The following CLEC16A variants were observed in gnomAD, a reference collection of about 807,000 sequenced individuals.
CLEC16A encodes C-type lectin domain containing 16A, also known as protein CLEC16A.
Under a neutral mutation model 109.5 loss-of-function variants are expected in CLEC16A, and 51 were observed. That is an observed-to-expected ratio of 0.47 (90% CI 0.37 to 0.59). CLEC16A has a LOEUF of 0.59. CLEC16A is among the 20% of genes least tolerant of loss of function. CLEC16A has a pLI of 0.00. For missense variants in CLEC16A, 1,339 were observed against 1,394.0 expected (o/e 0.96, Z 0.63); for synonymous variants, 673 against 564.2 (o/e 1.19, Z -2.73).
intron 22 of CLEC16A, among the ~76,000 whole-genome samples, chr16:11,142,479 G>A (rs1476061841): frequency 6.6e-6 from 1 of 152,262 alleles, no homozygotes; most frequent in African/African-American, 2.4e-5. Flanking sequence ...CCCGATAGGT[G>A]TGATGTGTCA....
At chr16:10,994,855 T>G (rs1280808054) in intron 10 of CLEC16A, among the ~76,000 whole-genome samples, 1 of 152,218 alleles carries the variant, frequency 6.6e-6, no homozygotes, top group Non-Finnish European at 1.5e-5. Flanking sequence ...TGGCCTAGTC[T>G]TTACATCAGT....
rs761802829 is a variant in CLEC16A at position 10,977,418 on chromosome 16, C to G, written c.903+19C>G. 1.9e-6 allele frequency: 3 copies of G among 1,604,846 alleles called. No individual in the cohort carries two copies. The highest frequency in any genetic ancestry group is 2.6e-6 in the Non-Finnish European group (3 of 1,174,946). On this transcript the variant is annotated intron_variant, in intron 8 of 23. Coordinates refer to ENST00000409790, the MANE Select transcript of CLEC16A (RefSeq NM_015226.3). ...GGACAAGGTGGGTCCAGCCCCGTGGCTCCCGCTGGCTGAAGGCCATCAGAA... is the reference window on the plus strand; with the variant it reads ...GGACAAGGTGGGTCCAGCCCCGTGGGTCCCGCTGGCTGAAGGCCATCAGAA...
chr16:11,051,484 T>C, intron 17 of CLEC16A, 29 bp from the exon 18 acceptor site: 1 of 1,601,558 alleles, frequency 6.2e-7, no homozygotes, highest in Non-Finnish European at 8.6e-7. Context: ...AGGAATCTGC[T>C]TTGAGGTTTC....
intron 19 of CLEC16A, among the ~76,000 whole-genome samples, chr16:11,114,128 C>CGTGTGTGTGTGTGTGTGTGTGTGT (rs3030600): frequency 1.6e-5 from 2 of 127,248 alleles, no homozygotes; most frequent in African/African-American, 3.1e-5. Context: ...TGAGGATGGC[C>CGTGTGTGTGTGTGTGTGTGTGTGT]GTGTGTGTGT....
At chr16:11,043,224 G>C (rs2047445467) in intron 15 of CLEC16A, among the ~76,000 whole-genome samples, 1 of 152,074 alleles carries the variant, frequency 6.6e-6, no homozygotes, top group Non-Finnish European at 1.5e-5. Flanking sequence ...GTTGAGACTA[G>C]TCTGGACAAC....
intron 23 of CLEC16A, among the ~76,000 whole-genome samples, chr16:11,168,995 A>C (rs1267612355): frequency 1.3e-5 from 2 of 152,212 alleles, no homozygotes; most frequent in Non-Finnish European, 2.9e-5. Flanking sequence ...ATATCCTTGG[A>C]GGGCCAGCCA....
At chr16:10,992,769 T>A (rs1483487432) in intron 10 of CLEC16A, among the ~76,000 whole-genome samples, 1 of 152,022 alleles carries the variant, frequency 6.6e-6, no homozygotes, top group Non-Finnish European at 1.5e-5. Flanking sequence ...ATCTGTCCCT[T>A]CCCTGATGAT....
At chr16:10,971,507 T>A in intron 5 of CLEC16A, 1 of 979,746 alleles carries the variant, frequency 1.0e-6, no homozygotes, top group Non-Finnish European at 1.2e-6. Flanking sequence ...GTGGCTATGT[T>A]TTAGAATTTG....
At chr16:11,070,164 G>C (rs530547054) in intron 19 of CLEC16A, among the ~76,000 whole-genome samples, 1 of 151,496 alleles carries the variant, frequency 6.6e-6, no homozygotes, top group African/African-American at 2.4e-5. Context: ...TCCGCCTCCC[G>C]GGTTCACACC....
chr16:11,060,513 C>T (rs1358576378), intron 18 of CLEC16A, among the ~76,000 whole-genome samples: 1 of 152,216 alleles, frequency 6.6e-6, no homozygotes, highest in African/African-American at 2.4e-5. Context: ...CTAGCCCTTG[C>T]TGGAAGCATG....
At chr16:11,136,903 C>T (rs964209195) in intron 22 of CLEC16A, among the ~76,000 whole-genome samples, 7 of 152,248 alleles carry the variant, frequency 4.6e-5, no homozygotes, top group African/African-American at 1.4e-4. Context: ...AGTGTCATTC[C>T]TCAGTGCCCA....
At chr16:11,120,054 C>A (rs1436737706) in intron 19 of CLEC16A, among the ~76,000 whole-genome samples, 2 of 152,200 alleles carry the variant, frequency 1.3e-5, no homozygotes, top group African/African-American at 2.4e-5. Context: ...ACTGCAACCT[C>A]CACCTCCCAG....
In CLEC16A at chr16:10,985,610, G is replaced by C. The variant is rs12921072; in HGVS notation, c.1071+2619G>C. Among the ~76,000 whole-genome samples the C allele has an allele frequency of 2.0e-5, 3 of 151,912 alleles. No individual in the cohort carries two copies. The South Asian group carries it at 6.2e-4, about 32-fold the overall frequency. ...GGATAGCTGCCGTGGCTTCATCTCA[G>C]ATTGTCTTACTGTAAGATACCCTCT... is the stretch of plus-strand genomic sequence containing the variant. On this transcript the variant is annotated intron_variant, in intron 10 of 23. Coordinates refer to ENST00000409790, the MANE Select transcript of CLEC16A (RefSeq NM_015226.3).
In CLEC16A at chr16:11,037,903, C is replaced by T. The variant is rs564692462; in HGVS notation, c.1538-1851C>T. 3.1e-4 allele frequency among the ~76,000 whole-genome samples: 47 copies of T among 151,486 alleles called. 1 individual carries two copies. In the South Asian group the frequency reaches 6.9e-3, roughly 22 times the overall value. On this transcript the variant is annotated intron_variant, in intron 13 of 23. Transcript: ENST00000409790. ...GGAAAAAACAAATGCCAGAAAGATT[C>T]AGTTGACATTCTTCTTGCCATTCAA...
intron 22 of CLEC16A, among the ~76,000 whole-genome samples, chr16:11,154,820 G>A (rs951210274): frequency 6.6e-6 from 1 of 152,134 alleles, no homozygotes; most frequent in African/African-American, 2.4e-5. Context: ...CCAGCTACTT[G>A]GGAGGCTGAG....
chr16:11,174,083 C>T lies in CLEC16A; in HGVS notation c.2807-4252C>T. The T allele has an allele frequency of 2.3e-6, 1 of 434,212 alleles. No homozygotes were observed. Among genetic ancestry groups the T allele is most frequent in the Non-Finnish European group, 4.9e-6 (1 of 205,848 alleles). 26.9% of individuals were successfully genotyped at this position (434,212 alleles called of 1,614,324 possible). A position where few individuals can be genotyped will look rare whatever the true frequency, so the allele number is the denominator to read the frequency against. On this transcript the variant is annotated intron_variant, in intron 23 of 23. Transcript: ENST00000409790. The surrounding 1 kb of genome is among the most constrained non-coding windows in gnomAD (Gnocchi z 4.7). ...CTCAGCGTCCGCTGCTGCTCAGTGT[C>T]CCCTCCATGTCGCCTCTGCCGTCCC... is the stretch of plus-strand genomic sequence containing the variant.
chr16:11,122,085 G>A (rs2052460864), intron 20 of CLEC16A, among the ~76,000 whole-genome samples: 1 of 95,352 alleles, frequency 1.0e-5, no homozygotes, highest in South Asian at 4.6e-4. Flanking sequence ...TTCTTTGCCA[G>A]CCAGCCCTGG....
intron 19 of CLEC16A, among the ~76,000 whole-genome samples, chr16:11,092,589 AGG>A (rs2050376738): frequency 6.6e-6 from 1 of 152,234 alleles, no homozygotes; most frequent in South Asian, 2.1e-4. Context: ...CCTGGCTTGC[AGG>A]CATTTCCAGC....
chr16:11,154,020 G>A (rs534860955), intron 22 of CLEC16A, among the ~76,000 whole-genome samples: 3 of 152,276 alleles, frequency 2.0e-5, no homozygotes, highest in East Asian at 1.9e-4. Context: ...TGAAGCTACC[G>A]ATTTTGGAAA....
Sources: allele counts gnomAD v4.1 joint callset (sites outside exome capture counted in the v4.1 genomes callset), GRCh38; gene constraint gnomAD v4.1.1; non-coding constraint Gnocchi (gnomAD v3.1); transcripts MANE v1.5; gene names NCBI Gene and HGNC (gene_info 2026-07-23, HGNC 2026-07-21).